Variants in NR2F1-AS1 observed in about 807,000 individuals in gnomAD.
NR2F1-AS1 encodes the protein NR2F1 antisense RNA 1.
intron 4 of NR2F1-AS1, among the ~76,000 whole-genome samples, chr5:93,466,783 CAG>C (rs1216728956): frequency 2.0e-5 from 3 of 151,318 alleles, no homozygotes; most frequent in Non-Finnish European, 1.5e-5. Flanking sequence ...ATGAAGGCAA[CAG>C]AATGAAACAA....
chr5:93,420,469 A>C (rs1749065952), intron 4 of NR2F1-AS1, among the ~76,000 whole-genome samples: 1 of 152,212 alleles, frequency 6.6e-6, no homozygotes. Context: ...GGGGTGGCTG[A>C]AGCCATACTG....
chr5:93,447,986 G>A (rs1384402949), intron 4 of NR2F1-AS1, among the ~76,000 whole-genome samples: 1 of 152,158 alleles, frequency 6.6e-6, no homozygotes, highest in African/African-American at 2.4e-5. Context: ...ACTCATAGGT[G>A]GGAATTGGAC....
intron 4 of NR2F1-AS1, among the ~76,000 whole-genome samples, chr5:93,462,572 T>G (rs564246897): frequency 3.3e-5 from 5 of 152,084 alleles, no homozygotes; most frequent in African/African-American, 9.6e-5. Context: ...CCGGCAGAAG[T>G]TGGGACAGTT....
chr5:93,506,900 T>A (rs1751196669), intron 4 of NR2F1-AS1, among the ~76,000 whole-genome samples: 1 of 152,144 alleles, frequency 6.6e-6, no homozygotes, highest in Non-Finnish European at 1.5e-5. Context: ...GATGAAAATA[T>A]TCAACATAAA....
chr5:93,492,806 G>T (rs1379554268), intron 4 of NR2F1-AS1, among the ~76,000 whole-genome samples: 1 of 151,536 alleles, frequency 6.6e-6, no homozygotes, highest in South Asian at 2.1e-4. Flanking sequence ...CTCAATACAT[G>T]CAGAAGGAGT....
At chr5:93,493,813 C>T (rs1417187612) in intron 4 of NR2F1-AS1, among the ~76,000 whole-genome samples, 2 of 151,836 alleles carry the variant, frequency 1.3e-5, no homozygotes, top group Non-Finnish European at 2.9e-5. Context: ...AAGTTGGACT[C>T]CTACCTCACT....
intron 1 of NR2F1-AS1, among the ~76,000 whole-genome samples, chr5:93,572,605 TCA>T (rs1752797622): frequency 1.3e-5 from 2 of 152,300 alleles, no homozygotes; most frequent in African/African-American, 4.8e-5. Context: ...GAGCCAGGGC[TCA>T]CCCCACACTG....
chr5:93,498,605 T>C (rs1751013211), intron 4 of NR2F1-AS1, among the ~76,000 whole-genome samples: 1 of 152,046 alleles, frequency 6.6e-6, no homozygotes, highest in Non-Finnish European at 1.5e-5. Context: ...CTAGTTGAAA[T>C]TTATAAAATA....
At chr5:93,423,751 G>C (rs1749139400) in intron 4 of NR2F1-AS1, among the ~76,000 whole-genome samples, 1 of 152,076 alleles carries the variant, frequency 6.6e-6, no homozygotes, top group African/African-American at 2.4e-5. Flanking sequence ...CCTATTATAT[G>C]CCAAGTACTA....
chr5:93,447,022 CCCTT>C (rs1749726157), intron 4 of NR2F1-AS1, among the ~76,000 whole-genome samples: 2 of 152,092 alleles, frequency 1.3e-5, no homozygotes, highest in African/African-American at 4.8e-5. Context: ...GAAACTGGAT[CCCTT>C]CCTTACATCT....
intron 4 of NR2F1-AS1, among the ~76,000 whole-genome samples, chr5:93,454,168 C>G (rs969905323): frequency 1.3e-5 from 2 of 152,068 alleles, no homozygotes; most frequent in African/African-American, 4.8e-5. Context: ...GTAGTCCCAG[C>G]TACTCAGGAG....
chr5:93,436,985 CAAAAAAA>C (rs34277476), intron 4 of NR2F1-AS1, among the ~76,000 whole-genome samples: 1 of 130,724 alleles, frequency 7.6e-6, no homozygotes, highest in Non-Finnish European at 1.6e-5. Context: ...TCATTATCTC[CAAAAAAA>C]AAAAAAAATT....
At chr5:93,409,836 T>C (rs1748813321) in intron 4 of NR2F1-AS1, 1 of 150,586 alleles carries the variant, frequency 6.6e-6, no homozygotes, top group South Asian at 2.1e-4. Context: ...CAGAGCAACA[T>C]TGTTTATTTA....
chr5:93,497,598 T>C (rs1446780679), intron 4 of NR2F1-AS1, among the ~76,000 whole-genome samples: 4 of 152,320 alleles, frequency 2.6e-5, no homozygotes, highest in African/African-American at 7.2e-5. Context: ...ACCCTGTTTT[T>C]TCTTATTAGT....
At chr5:93,433,306 T>A (rs778172384) in intron 4 of NR2F1-AS1, among the ~76,000 whole-genome samples, 9 of 152,226 alleles carry the variant, frequency 5.9e-5, no homozygotes, top group Admixed American at 1.3e-4. Flanking sequence ...ACAATCTATA[T>A]GCTATTTACA....
At position 93,443,562 on chromosome 5, in the gene NR2F1-AS1, A is replaced by G. The variant is rs185498312; in HGVS notation, n.639-48020T>C. 2.0e-3 allele frequency among the ~76,000 whole-genome samples: 312 copies of G among 152,364 alleles called. 2 individuals are homozygous for G. Among genetic ancestry groups the G allele is most frequent in the African/African-American group, 7.1e-3 (294 of 41,584 alleles). On this transcript the variant is annotated intron_variant and non_coding_transcript_variant, in intron 4 of 5. Transcript: ENST00000660523. The stretch of plus-strand genomic sequence containing the variant: ...ATATGGGACTATATGAAAAGACCAA[A>G]TCTACATCTGACTGGTATACCTTAA...
intron 4 of NR2F1-AS1, among the ~76,000 whole-genome samples, chr5:93,416,862 A>T (rs903847558): frequency 5.3e-5 from 8 of 151,190 alleles, no homozygotes; most frequent in Non-Finnish European, 7.4e-5. Context: ...TGGTTTATTT[A>T]AAAAAAAAGT....
chr5:93,556,606 T>C (rs748068453), intron 2 of NR2F1-AS1, among the ~76,000 whole-genome samples: 2 of 152,152 alleles, frequency 1.3e-5, no homozygotes, highest in Non-Finnish European at 2.9e-5. Context: ...CCAATGTGAC[T>C]GGTATCCTTA....
At chr5:93,559,033 A>G (rs1399539325) in intron 2 of NR2F1-AS1, among the ~76,000 whole-genome samples, 4 of 152,222 alleles carry the variant, frequency 2.6e-5, no homozygotes, top group African/African-American at 9.6e-5. Context: ...CTGTCCTTTG[A>G]GGCTTTGAAA....
Sources: gnomAD v4.1 joint callset for allele counts (sites outside exome capture counted in the v4.1 genomes callset) on GRCh38, gnomAD v4.1.1 for gene constraint, MANE v1.5 for transcripts, NCBI Gene and HGNC (gene_info 2026-07-23, HGNC 2026-07-21) for gene names.